Variants in HDAC7 observed in about 807,000 individuals in gnomAD.
HDAC7 encodes histone deacetylase 7.
Under a neutral mutation model 115.5 loss-of-function variants are expected in HDAC7, and 26 were observed. The ratio of observed to expected loss-of-function variants is 0.23; its 90% CI spans 0.16 to 0.31. HDAC7 has a LOEUF of 0.31. Among genes scored for constraint, HDAC7 ranks in the 10% least tolerant of loss-of-function variants. HDAC7 has a pLI of 1.00. For missense variants in HDAC7, 1,068 were observed against 1,329.0 expected (o/e 0.80, Z 3.05); for synonymous variants, 564 against 550.9 (o/e 1.02, Z -0.33).
intron 13 of HDAC7, chr12:47,792,641 C>A (rs1348318708): frequency 4.4e-6 from 2 of 455,914 alleles, no homozygotes; most frequent in South Asian, 3.1e-5. Context: ...CACCATGTGA[C>A]CCAGGAATGC....
At chr12:47,791,845 C>T in intron 14 of HDAC7, 26 bp downstream of exon 14, 2 of 1,419,682 alleles carry the variant, frequency 1.4e-6, no homozygotes, top group Non-Finnish European at 1.9e-6. Flanking sequence ...CCACCCATTC[C>T]TCGGGCCCCA....
In HDAC7 at chr12:47,797,483, C is replaced by A; in HGVS notation, c.478G>T (p.Glu160Ter). The change falls in exon 6 of 26, where the codon GAG (glutamate) becomes TAG (stop). Residue 160 changes from glutamate (E) to a stop codon, truncating the protein, a stop_gained. Transcript: ENST00000080059. LOFTEE classifies it high-confidence loss of function. This position sits in a 1 kb window ranked among gnomAD's most constrained non-coding sequence, Gnocchi z 5.5. The part of the protein sequence containing the change: ...GIPYRTLEPL[E>*]TEGATRSMLS... ...ATGGAGCGGGTGGCTCCTTCCGTCTCCAGGGGCTCCAGGGTTCTACAGAAC... is the reference window on the plus strand; with the variant it reads ...ATGGAGCGGGTGGCTCCTTCCGTCTACAGGGGCTCCAGGGTTCTACAGAAC... The A allele has an allele frequency of 6.2e-7, 1 of 1,611,760 alleles. No homozygotes were observed. Among genetic ancestry groups the A allele is most frequent in the Non-Finnish European group, 8.5e-7 (1 of 1,178,632 alleles).
At position 47,798,215 on chromosome 12, in the gene HDAC7, A is replaced by G; in HGVS notation, c.354T>C (p.Ala118=). Reference sequence around the variant, plus strand: ...TCTGCTTGACCACGCTGCTGGCTACAGCACCTGTAGGGGCAGAGTCAGGAG... The same window carrying G: ...TCTGCTTGACCACGCTGCTGGCTACGGCACCTGTAGGGGCAGAGTCAGGAG... ...LLHKDKSKRS[A]VASSVVKQKL... is the part of the protein sequence containing the mutation. Residue 118 remains alanine (A), a synonymous_variant, in exon 5 of 26, where the codon GCT becomes GCC. Coordinates refer to ENST00000080059, the MANE Select transcript of HDAC7 (RefSeq NM_015401.5). This position sits in a 1 kb window ranked among gnomAD's most constrained non-coding sequence, Gnocchi z 4.3. 1 of 1,613,058 alleles carries G rather than the reference A, an allele frequency of 6.2e-7. No homozygotes were observed. Among genetic ancestry groups the G allele is most frequent in the Non-Finnish European group, 8.5e-7 (1 of 1,179,306 alleles).
chr12:47,804,661 C>G lies in HDAC7; in HGVS notation c.20-2387G>C, dbSNP rs116249984. ...CCTTTTCTATCTTCTTTGGAGGCAA[C>G]TGCAGTCAGACTTAAGAACAGTTTA... On this transcript the variant is annotated intron_variant, in intron 1 of 25. Coordinates refer to ENST00000080059, the MANE Select transcript of HDAC7 (RefSeq NM_015401.5). Among the ~76,000 whole-genome samples the G allele has an allele frequency of 5.9e-3, 905 of 152,234 alleles. 12 individuals are homozygous for G. The highest frequency in any genetic ancestry group is 0.021 in the African/African-American group (876 of 41,530).
intron 1 of HDAC7, among the ~76,000 whole-genome samples, chr12:47,804,218 A>G (rs1039105693): frequency 6.6e-6 from 1 of 152,222 alleles, no homozygotes; most frequent in Non-Finnish European, 1.5e-5. Context: ...GCATGTGTGC[A>G]TGCGTGTTGG....
chr12:47,797,241 A>G lies in HDAC7; in HGVS notation c.578-99T>C. The G allele has an allele frequency of 1.3e-6, 2 of 1,562,384 alleles. No individual in the cohort carries two copies. The highest frequency in any genetic ancestry group is 8.7e-7 in the Non-Finnish European group (1 of 1,149,266). On this transcript the variant is annotated intron_variant, in intron 6 of 25. Transcript: ENST00000080059. This position sits in a 1 kb window ranked among gnomAD's most constrained non-coding sequence, Gnocchi z 5.5. ...TCATCTCTATCGGTCAAGGAAAGAG[A>G]AGGCAGAACTAGAAAGAAGATCCTA...
At chr12:47,818,120 A>C (rs139773106) in intron 1 of HDAC7, among the ~76,000 whole-genome samples, 121 of 152,310 alleles carry the variant, frequency 7.9e-4, no homozygotes, top group Non-Finnish European at 1.3e-3. Context: ...TGGAGTGAAC[A>C]GCTTAGACAT....
rs577419391 is a variant in HDAC7 at position 47,797,855 on chromosome 12, G to GGGGT, written c.461+252_461+253insACCC. On this transcript the variant is annotated intron_variant, in intron 5 of 25. Coordinates refer to ENST00000080059, the MANE Select transcript of HDAC7 (RefSeq NM_015401.5). The surrounding 1 kb of genome is among the most constrained non-coding windows in gnomAD (Gnocchi z 5.5). Reference sequence around the variant, plus strand: ...TCATGTGCAAGAAAAAAGCCAGTAGGGTGTGTGTGTGTGTGTGTGTGTGTG... The same window carrying GGGGT: ...TCATGTGCAAGAAAAAAGCCAGTAGGGGGTGTGTGTGTGTGTGTGTGTGTGTGTG... Among the ~76,000 whole-genome samples, 155 of 123,948 alleles carry GGGGT rather than the reference G, an allele frequency of 1.3e-3. 2 individuals carry two copies. In the South Asian group the frequency reaches 0.035, roughly 28 times the overall value. The allele number at this position is 123,948 out of a possible 152,430, so 81.3% of individuals were successfully genotyped here.
chr12:47,785,246 G>A, intron 24 of HDAC7, 141 bp downstream of exon 24: 1 of 710,226 alleles, frequency 1.4e-6, no homozygotes. Context: ...TGCTGCCTGG[G>A]TCACTCACAG....
At position 47,795,872 on chromosome 12, in the gene HDAC7, G is replaced by C. The variant is rs1283862935; in HGVS notation, c.906+34C>G. The C allele has an allele frequency of 1.6e-6, 2 of 1,254,574 alleles. No individual in the cohort carries two copies. Among genetic ancestry groups the C allele is most frequent in the Non-Finnish European group, 2.2e-6 (2 of 893,450 alleles). The allele number at this position is 1,254,574 out of a possible 1,614,324, so 77.7% of individuals were successfully genotyped here. A position where few individuals can be genotyped will look rare whatever the true frequency, so the allele number is the denominator to read the frequency against. ...AAAGGGAGTGAAAGAAGCTGGGGGG[G>C]CTTGGAGTGGGGGTGGGCACCCCAG... On this transcript the variant is annotated intron_variant, in intron 9 of 25. Transcript: ENST00000080059. The surrounding 1 kb of genome is among the most constrained non-coding windows in gnomAD (Gnocchi z 4.3).
At chr12:47,792,434 G>T (rs949364738) in intron 13 of HDAC7, 3 of 343,046 alleles carry the variant, frequency 8.7e-6, no homozygotes, top group African/African-American at 6.4e-5. Flanking sequence ...GGAGGGAAAA[G>T]AATTCCTAGG....
In HDAC7 at chr12:47,794,657, T is replaced by C. The variant is rs1289637333; in HGVS notation, c.1458+103A>G. ...ATAGGGCAACCATGGGTCCTAGAGCTGCCTGTTGCACTGATGTCGTATCTC... is the reference window on the plus strand; with the variant it reads ...ATAGGGCAACCATGGGTCCTAGAGCCGCCTGTTGCACTGATGTCGTATCTC... On this transcript the variant is annotated intron_variant, in intron 12 of 25. Transcript: ENST00000080059. The C allele has an allele frequency of 3.3e-6, 4 of 1,207,086 alleles. No individual in the cohort carries two copies. In the African/African-American group the frequency reaches 6.2e-5, roughly 19 times the overall value. The allele number at this position is 1,207,086 out of a possible 1,614,324, so 74.8% of individuals were successfully genotyped here.
rs373121556 is a variant in HDAC7 at position 47,797,855 on chromosome 12, G to GGTGTGTGTGTGTGTGTGTGTGTGT, written c.461+229_461+252dup. Among the ~76,000 whole-genome samples, 15 of 123,872 alleles carry GGTGTGTGTGTGTGTGTGTGTGTGT rather than the reference G, an allele frequency of 1.2e-4. No homozygotes were observed. Among genetic ancestry groups the GGTGTGTGTGTGTGTGTGTGTGTGT allele is most frequent in the Non-Finnish European group, 2.0e-4 (12 of 59,998 alleles). The allele number at this position is 123,872 out of a possible 152,430, so 81.3% of individuals were successfully genotyped here. On this transcript the variant is annotated intron_variant, in intron 5 of 25. Transcript: ENST00000080059. The surrounding 1 kb of genome is among the most constrained non-coding windows in gnomAD (Gnocchi z 5.5). ...TCATGTGCAAGAAAAAAGCCAGTAG[G>GGTGTGTGTGTGTGTGTGTGTGTGT]GTGTGTGTGTGTGTGTGTGTGTGTG...
Position 47,803,218 on chromosome 12 carries a change from G to T in HDAC7, c.20-944C>A, listed in dbSNP as rs147756065. Among the ~76,000 whole-genome samples the T allele has an allele frequency of 3.3e-5, 5 of 152,206 alleles. No homozygotes were observed. Among genetic ancestry groups the T allele is most frequent in the African/African-American group, 1.2e-4 (5 of 41,452 alleles). ...CTTGCTGTCCAGTTCAGGGTCAAGG[G>T]GACAGGAGGCCAGGAGACCCAGAGG... On this transcript the variant is annotated intron_variant, in intron 1 of 25. Transcript: ENST00000080059. The surrounding 1 kb of genome is among the most constrained non-coding windows in gnomAD (Gnocchi z 4.0).
chr12:47,799,614 AT>A (rs1030524958), intron 2 of HDAC7, among the ~76,000 whole-genome samples: 6 of 152,190 alleles, frequency 3.9e-5, no homozygotes, highest in African/African-American at 1.4e-4. Flanking sequence ...CATAGGGCCC[AT>A]GTGTCCTTGG....
At chr12:47,783,914 TG>T in intron 25 of HDAC7, 28 bp from the exon 26 acceptor site, 1 of 1,613,172 alleles carries the variant, frequency 6.2e-7, no homozygotes, top group Non-Finnish European at 8.5e-7. Context: ...GGTGGGATGC[TG>T]GAGCACCAGG....
intron 1 of HDAC7, among the ~76,000 whole-genome samples, chr12:47,811,757 GC>G (rs1274039656): frequency 2.6e-5 from 4 of 152,238 alleles, no homozygotes; most frequent in African/African-American, 7.2e-5. Flanking sequence ...GGTTTTCACC[GC>G]CCCCGGGTCT....
At chr12:47,816,750 A>AGGAGGAGGGAGACT (rs1325069462) in intron 1 of HDAC7, among the ~76,000 whole-genome samples, 2 of 151,334 alleles carry the variant, frequency 1.3e-5, no homozygotes, top group Non-Finnish European at 2.9e-5. Context: ...TCTCCCTTGT[A>AGGAGGAGGGAGACT]GGAGGAGGGA....
intron 2 of HDAC7, 44 bp from the exon 3 acceptor site, chr12:47,799,016 C>A (rs1420614016): frequency 7.3e-7 from 1 of 1,363,668 alleles, no homozygotes; most frequent in East Asian, 2.6e-5. Flanking sequence ...AAAGTTTGTC[C>A]TCGGGGGCAT....
Sources: allele counts gnomAD v4.1 joint callset (sites outside exome capture counted in the v4.1 genomes callset), GRCh38; gene constraint gnomAD v4.1.1; non-coding constraint Gnocchi (gnomAD v3.1); transcripts MANE v1.5; gene names NCBI Gene and HGNC (gene_info 2026-07-23, HGNC 2026-07-21).